PDE4D: variants seen among roughly 807,000 people sequenced by gnomAD.
PDE4D encodes phosphodiesterase 4D, also known as 3',5'-cyclic-AMP phosphodiesterase 4D.
In PDE4D, 24 loss-of-function variants were observed where a neutral mutation model predicts 87.4. That is an observed-to-expected ratio of 0.27 (90% confidence interval 0.20 to 0.39). The LOEUF (loss-of-function observed/expected upper bound fraction) is 0.39. PDE4D is among the 10% of genes least tolerant of loss of function. The pLI is 1.00. For synonymous variants in PDE4D, 384 were observed against 383.2 expected, an observed-to-expected ratio of 1.00 and a Z score of -0.02; for missense variants, 714 against 1,041.0, an observed-to-expected ratio of 0.69 and a Z score of 4.32.
intron 2 of PDE4D, among the ~76,000 whole-genome samples, chr5:60,155,641 T>C (rs1227034501): frequency 2.0e-5 from 3 of 152,236 alleles, no homozygotes; most frequent in Non-Finnish European, 4.4e-5. Flanking sequence ...TGCTAGGCTT[T>C]GTGGAAATGA....
intron 1 of PDE4D, among the ~76,000 whole-genome samples, chr5:59,310,497 G>C (rs1772363504): frequency 6.6e-6 from 1 of 152,082 alleles, no homozygotes; most frequent in Non-Finnish European, 1.5e-5. Context: ...TCTGTATGTG[G>C]TCCATTAAGA....
chr5:59,844,030 G>A (rs1743458393), intron 1 of PDE4D, among the ~76,000 whole-genome samples: 2 of 152,054 alleles, frequency 1.3e-5, no homozygotes, highest in Admixed American at 1.3e-4. Context: ...ACCCTTGGCT[G>A]AAGCTGGACT....
intron 1 of PDE4D, among the ~76,000 whole-genome samples, chr5:59,624,225 G>A (rs1031958250): frequency 6.6e-5 from 10 of 152,058 alleles, no homozygotes; most frequent in Non-Finnish European, 4.4e-5. Flanking sequence ...CCTTCAGGAC[G>A]TTTCTCCTAA....
chr5:60,016,053 T>TTG (rs1765488182), intron 2 of PDE4D, among the ~76,000 whole-genome samples: 1 of 132,630 alleles, frequency 7.5e-6, no homozygotes, highest in Non-Finnish European at 1.7e-5. Context: ...GTGTGTGTGT[T>TTG]TGTGTGTGTG....
chr5:60,515,447 T>C (rs1336269763), intron 1 of PDE4D, among the ~76,000 whole-genome samples: 4 of 152,158 alleles, frequency 2.6e-5, no homozygotes, highest in Admixed American at 2.0e-4. Context: ...GGTTTCTAAA[T>C]TTCTAATACA....
At position 59,625,372 on chromosome 5, in the gene PDE4D, T is replaced by A. The variant is rs578243423; in HGVS notation, c.455+267796A>T. ...ATTCTTCCAACAGTGGCAGTAATGA[T>A]CTTGAGAGATGACCTTGATTCCAGA... On this transcript the variant is annotated intron_variant, in intron 1 of 14. Transcript: ENST00000340635. Among the ~76,000 whole-genome samples, 13 of 152,236 alleles carry A rather than the reference T, an allele frequency of 8.5e-5. No individual in the cohort carries two copies. The East Asian group carries it at 2.5e-3, about 29-fold the overall frequency.
At chr5:59,481,217 T>A (rs2153656222) in intron 1 of PDE4D, among the ~76,000 whole-genome samples, 1 of 152,242 alleles carries the variant, frequency 6.6e-6, no homozygotes, top group African/African-American at 2.4e-5. Flanking sequence ...GATTTCTTTT[T>A]AGAGTCCCAT....
chr5:59,014,599 C>T (rs1296700751), intron 6 of PDE4D, among the ~76,000 whole-genome samples: 1 of 152,012 alleles, frequency 6.6e-6, no homozygotes, highest in Non-Finnish European at 1.5e-5. Context: ...ATGTGAAGGA[C>T]CTTTTCAGGG....
intron 1 of PDE4D, among the ~76,000 whole-genome samples, chr5:59,629,924 T>C (rs1831355026): frequency 6.6e-6 from 1 of 152,244 alleles, no homozygotes; most frequent in Non-Finnish European, 1.5e-5. Flanking sequence ...TATACTCTTT[T>C]ACTACCTTGA....
At chr5:59,093,634 G>T (rs1289713907) in intron 5 of PDE4D, among the ~76,000 whole-genome samples, 2 of 152,132 alleles carry the variant, frequency 1.3e-5, no homozygotes, top group African/African-American at 4.8e-5. Context: ...TACAGTTGAC[G>T]AGCCCTATCC....
chr5:59,314,380 G>A (rs978103138), intron 1 of PDE4D: 1 of 152,018 alleles, frequency 6.6e-6, no homozygotes, highest in African/African-American at 2.4e-5. Context: ...ATAATGGTAG[G>A]GCTAGGGGCT....
At chr5:59,547,806 T>C (rs1348724854) in intron 1 of PDE4D, among the ~76,000 whole-genome samples, 2 of 152,176 alleles carry the variant, frequency 1.3e-5, no homozygotes, top group Non-Finnish European at 1.5e-5. Flanking sequence ...CCCCTCCTAC[T>C]GATGGAACTG....
intron 1 of PDE4D, among the ~76,000 whole-genome samples, chr5:59,881,211 T>A (rs1416085663): frequency 6.6e-6 from 1 of 152,218 alleles, no homozygotes; most frequent in East Asian, 1.9e-4. Context: ...GTGGGCATTT[T>A]ATATATGTTT....
intron 5 of PDE4D, among the ~76,000 whole-genome samples, chr5:59,046,227 A>G (rs1183823793): frequency 1.3e-5 from 2 of 152,214 alleles, no homozygotes; most frequent in African/African-American, 2.4e-5. Flanking sequence ...CCTCATCTAC[A>G]CAGGAAAGGG....
chr5:60,069,291 A>G (rs1772455295), intron 2 of PDE4D, among the ~76,000 whole-genome samples: 1 of 152,198 alleles, frequency 6.6e-6, no homozygotes, highest in South Asian at 2.1e-4. Flanking sequence ...CTTCATGAAT[A>G]AAAGACATCT....
chr5:60,262,965 G>C (rs959978873), intron 1 of PDE4D, among the ~76,000 whole-genome samples: 32 of 152,198 alleles, frequency 2.1e-4, no homozygotes, highest in African/African-American at 7.5e-4. Flanking sequence ...TTGGATAGGG[G>C]AGGAAAAAGA....
chr5:60,274,652 T>C (rs1751186307), intron 1 of PDE4D, among the ~76,000 whole-genome samples: 1 of 152,164 alleles, frequency 6.6e-6, no homozygotes, highest in Non-Finnish European at 1.5e-5. Flanking sequence ...TGAGCCACCA[T>C]GTCCAGCCGG....
chr5:59,069,694 T>G (rs1764451235), intron 5 of PDE4D, among the ~76,000 whole-genome samples: 1 of 152,128 alleles, frequency 6.6e-6, no homozygotes, highest in African/African-American at 2.4e-5. Flanking sequence ...CGCATTCCAC[T>G]CTTGGCACCA....
chr5:59,965,817 G>A (rs577669723), intron 3 of PDE4D, among the ~76,000 whole-genome samples: 4 of 152,228 alleles, frequency 2.6e-5, no homozygotes, highest in East Asian at 1.9e-4. Flanking sequence ...TCTGCAGGCC[G>A]AATGGTCTCC....
Sources: gnomAD v4.1 joint callset for allele counts (sites outside exome capture counted in the v4.1 genomes callset) on GRCh38, gnomAD v4.1.1 for gene constraint, MANE v1.5 for transcripts, NCBI Gene and HGNC (gene_info 2026-07-23, HGNC 2026-07-21) for gene names.